Variants in SCHIP1 observed in about 807,000 individuals in gnomAD.
SCHIP1 encodes schwannomin interacting protein 1.
In SCHIP1, 8 loss-of-function variants were observed where a neutral mutation model predicts 29.7. The ratio of observed to expected loss-of-function variants is 0.27; its 90% CI spans 0.16 to 0.49. The LOEUF is 0.49. SCHIP1 is among the 20% of genes least tolerant of loss of function. The pLI is 0.99. For missense variants in SCHIP1, 193 were observed against 294.6 expected, an observed-to-expected ratio of 0.66 and a Z score of 2.52; for synonymous variants, 76 against 94.9, an observed-to-expected ratio of 0.80 and a Z score of 1.16.
At chr3:159,623,880 G>A in the SCHIP1 span, among the ~76,000 whole-genome samples, 3 of 152,188 alleles carry the variant, frequency 2.0e-5, no homozygotes, top group Middle Eastern at 6.8e-3. Flanking sequence ...TCTCACAAAA[G>A]TAGACAACTT....
the SCHIP1 span, among the ~76,000 whole-genome samples, chr3:159,489,675 A>G: frequency 6.6e-5 from 10 of 152,284 alleles, no homozygotes; most frequent in Admixed American, 1.3e-4. Context: ...GGGAAAATGC[A>G]TGTGTTTATT....
intron 1 of SCHIP1, among the ~76,000 whole-genome samples, chr3:159,844,322 T>A (rs935554420): frequency 6.6e-6 from 1 of 152,270 alleles, no homozygotes; most frequent in Non-Finnish European, 1.5e-5. Context: ...GAGCAAGGGC[T>A]TGTATGCACT....
chr3:159,716,017 A>T, the SCHIP1 span, among the ~76,000 whole-genome samples: 2 of 152,214 alleles, frequency 1.3e-5, no homozygotes, highest in African/African-American at 4.8e-5. Flanking sequence ...CAGGTTACCC[A>T]CAAAGGGAAG....
the SCHIP1 span, among the ~76,000 whole-genome samples, chr3:159,596,970 C>T: frequency 7.7e-3 from 1,129 of 146,628 alleles, 23 homozygotes; most frequent in African/African-American, 0.028. Flanking sequence ...TAAAGCAGAA[C>T]AAAAGCATCT....
chr3:159,701,803 T>C, the SCHIP1 span, among the ~76,000 whole-genome samples: 1 of 152,096 alleles, frequency 6.6e-6, no homozygotes, highest in African/African-American at 2.4e-5. Context: ...TGCAAATAGT[T>C]TACATGAGAA....
At chr3:159,468,768 TA>T in the SCHIP1 span, among the ~76,000 whole-genome samples, 2 of 125,904 alleles carry the variant, frequency 1.6e-5, no homozygotes, top group African/African-American at 3.2e-5. Context: ...TATATATATA[TA>T]TATATATATT....
At chr3:159,656,193 G>C in the SCHIP1 span, among the ~76,000 whole-genome samples, 5 of 152,142 alleles carry the variant, frequency 3.3e-5, no homozygotes, top group African/African-American at 1.2e-4. Flanking sequence ...GAGTACCTAC[G>C]ATCTGTCAGG....
intron 6 of SCHIP1, among the ~76,000 whole-genome samples, chr3:159,895,156 A>G (rs1271688111): frequency 6.6e-6 from 1 of 152,196 alleles, no homozygotes; most frequent in Non-Finnish European, 1.5e-5. Context: ...ACAGGGCTAT[A>G]AGATGGTCTG....
At chr3:159,408,430 C>T in the SCHIP1 span, among the ~76,000 whole-genome samples, 1 of 151,030 alleles carries the variant, frequency 6.6e-6, no homozygotes, top group African/African-American at 2.4e-5. Flanking sequence ...CTTAGCCACT[C>T]TAAGAGAAAG....
At chr3:159,730,135 T>C in the SCHIP1 span, among the ~76,000 whole-genome samples, 3 of 152,224 alleles carry the variant, frequency 2.0e-5, no homozygotes, top group Non-Finnish European at 4.4e-5. Context: ...CTTTAATGGC[T>C]ATATGAAGTG....
At chr3:159,665,795 T>G in the SCHIP1 span, among the ~76,000 whole-genome samples, 4 of 152,296 alleles carry the variant, frequency 2.6e-5, no homozygotes, top group South Asian at 8.3e-4. Context: ...AGCTGGAAAC[T>G]TCTTTCCTTT....
the SCHIP1 span, among the ~76,000 whole-genome samples, chr3:159,620,765 T>C: frequency 1.3e-5 from 2 of 152,188 alleles, no homozygotes; most frequent in African/African-American, 2.4e-5. Flanking sequence ...TTGTTGGGTG[T>C]AGAGATCAGT....
chr3:159,612,199 A>C, the SCHIP1 span, among the ~76,000 whole-genome samples: 1 of 152,174 alleles, frequency 6.6e-6, no homozygotes, highest in Non-Finnish European at 1.5e-5. Flanking sequence ...ATGATGACCA[A>C]AGCTATAATC....
the SCHIP1 span, among the ~76,000 whole-genome samples, chr3:159,632,102 C>A: frequency 6.6e-6 from 1 of 152,154 alleles, no homozygotes; most frequent in African/African-American, 2.4e-5. Context: ...GAGAGGCCAT[C>A]ATCTAGATTG....
the SCHIP1 span, among the ~76,000 whole-genome samples, chr3:159,547,128 A>G: frequency 2.0e-5 from 3 of 152,110 alleles, no homozygotes; most frequent in Non-Finnish European, 4.4e-5. Context: ...CTGGCATGAG[A>G]TGGTATCTCA....
the SCHIP1 span, among the ~76,000 whole-genome samples, chr3:159,580,039 G>A: frequency 2.0e-5 from 3 of 152,140 alleles, no homozygotes; most frequent in East Asian, 1.9e-4. Context: ...AATAGAAACC[G>A]GCTTATTTTC....
At chr3:159,524,736 A>G in the SCHIP1 span, among the ~76,000 whole-genome samples, 2 of 152,346 alleles carry the variant, frequency 1.3e-5, no homozygotes, top group South Asian at 4.1e-4. Flanking sequence ...CAGATGACCC[A>G]AAGAGGAAAG....
At chr3:159,836,929 A>T (rs1429303004), upstream of SCHIP1, among the ~76,000 whole-genome samples, 1 of 152,238 alleles carries the variant, frequency 6.6e-6, no homozygotes, top group African/African-American at 2.4e-5. Context: ...CCAATGAATG[A>T]CTATAAAGAG....
chr3:159,751,456 GGAT>G, the SCHIP1 span, among the ~76,000 whole-genome samples: 1 of 152,070 alleles, frequency 6.6e-6, no homozygotes, highest in Non-Finnish European at 1.5e-5. Context: ...TCAGATTAGT[GGAT>G]GATTTATGGA....
Sources: gnomAD v4.1 joint callset for allele counts (sites outside exome capture counted in the v4.1 genomes callset) on GRCh38, gnomAD v4.1.1 for gene constraint, MANE v1.5 for transcripts, NCBI Gene and HGNC (gene_info 2026-07-23, HGNC 2026-07-21) for gene names.